The following AKR1E2 variants were observed in gnomAD, a reference collection of about 807,000 sequenced individuals.
AKR1E2 encodes 1,5-anhydro-D-fructose reductase.
A neutral mutation model predicts 41.9 loss-of-function variants in AKR1E2; 43 were observed. That is an observed-to-expected ratio of 1.03 (90% confidence interval 0.80 to 1.32). The LOEUF (loss-of-function observed/expected upper bound fraction) is 1.32, where lower values mean the gene tolerates loss of function less well. AKR1E2 is among the 40% of genes most tolerant of loss of function. AKR1E2 has a pLI of 0.00. For synonymous variants in AKR1E2, 121 were observed against 138.9 expected (o/e 0.87, Z 0.91); for missense variants, 423 against 396.5 (o/e 1.07, Z -0.57).
At chr10:4,848,654 T>G (rs1042583203), downstream of AKR1E2, among the ~76,000 whole-genome samples, 2 of 152,354 alleles carry the variant, frequency 1.3e-5, no homozygotes, top group Non-Finnish European at 1.5e-5. Flanking sequence ...CTCCTCCCTC[T>G]GCATCAGGTT....
chr10:4,830,454 C>T (rs1832882700), intron 1 of AKR1E2, among the ~76,000 whole-genome samples: 1 of 151,732 alleles, frequency 6.6e-6, no homozygotes, highest in African/African-American at 2.4e-5. Context: ...TAAAAATAAC[C>T]TATAGTTTTT....
chr10:4,860,093 A>C, the AKR1E2 span, among the ~76,000 whole-genome samples: 14 of 152,226 alleles, frequency 9.2e-5, no homozygotes, highest in African/African-American at 3.1e-4. Flanking sequence ...TACTGGGGCA[A>C]AAACCTCAGA....
Position 4,839,731 on chromosome 10 carries a change from T to G in AKR1E2, c.585T>G (p.Ile195Met). 6.2e-7 allele frequency: 1 copy of G among 1,613,520 alleles called. No individual in the cohort carries two copies. ...GLRFKPLTNQ[I>M]ECHPYLTQKN... The stretch of plus-strand genomic sequence containing the variant: ...TGTAAGCTATGATTCTGTTATAGAT[T>G]GAGTGCCACCCATATCTTACTCAGA... The change falls in exon 6 of 10, where the codon ATT becomes ATG. Residue 195 changes from isoleucine (I) to methionine (M), a missense_variant and splice_region_variant. Physicochemically the swap from Ile to Met is conservative, Grantham distance 10 (BLOSUM62 1). Coordinates refer to ENST00000298375, the MANE Select transcript of AKR1E2 (RefSeq NM_001040177.3).
chr10:4,839,611 G>A (rs908872492), intron 5 of AKR1E2, 118 bp from the exon 6 acceptor site: 6 of 855,186 alleles, frequency 7.0e-6, no homozygotes, highest in Non-Finnish European at 1.2e-5. Context: ...ACTTAGGCCT[G>A]GAGCTGGGCC....
intron 2 of AKR1E2, among the ~76,000 whole-genome samples, chr10:4,832,969 AGTCT>A (rs1833099228): frequency 6.6e-6 from 1 of 152,238 alleles, no homozygotes; most frequent in South Asian, 2.1e-4. Context: ...CTTAATACGG[AGTCT>A]GTGTAAGTGA....
At chr10:4,849,156 G>A (rs1038776743), downstream of AKR1E2, among the ~76,000 whole-genome samples, 3 of 152,092 alleles carry the variant, frequency 2.0e-5, no homozygotes, top group Non-Finnish European at 2.9e-5. Flanking sequence ...TTGAGGGTGG[G>A]GTGTCATGGT....
Position 4,837,418 on chromosome 10 carries a change from T to G in AKR1E2, c.460-41T>G, listed in dbSNP as rs755776726. The G allele has an allele frequency of 8.1e-6, 13 of 1,606,706 alleles. No individual in the cohort carries two copies. In the African/African-American group the frequency reaches 9.4e-5, roughly 12 times the overall value. ...TGAGGGACGTAGATTGTCAGTGCAG[T>G]AGACAGAAGCTTCACACCCAGCAGA... On this transcript the variant is annotated intron_variant, in intron 4 of 9. Transcript: ENST00000298375.
chr10:4,844,774 C>T (rs1034258745), intron 8 of AKR1E2, among the ~76,000 whole-genome samples: 1 of 152,212 alleles, frequency 6.6e-6, no homozygotes. Flanking sequence ...TACAGAGTGC[C>T]GATTGGTGTA....
the AKR1E2 span, among the ~76,000 whole-genome samples, chr10:4,854,085 GTTT>G: frequency 7.7e-6 from 1 of 129,308 alleles, no homozygotes; most frequent in Non-Finnish European, 1.6e-5. Flanking sequence ...CTCCTTTACT[GTTT>G]TTTTTTTTTT....
chr10:4,830,866 G>A (rs1281840933), intron 2 of AKR1E2, 24 bp downstream of exon 2: 2 of 1,613,376 alleles, frequency 1.2e-6, no homozygotes, highest in East Asian at 4.5e-5. Context: ...ATGCAAGGCT[G>A]GCAGAGCTTG....
the AKR1E2 span, among the ~76,000 whole-genome samples, chr10:4,856,413 C>G: frequency 2.0e-5 from 3 of 152,132 alleles, no homozygotes; most frequent in Admixed American, 1.3e-4. Context: ...ATGACCTGCT[C>G]TTTAACAAAA....
At chr10:4,826,575 G>T (rs574204859) in intron 1 of AKR1E2, among the ~76,000 whole-genome samples, 2 of 152,318 alleles carry the variant, frequency 1.3e-5, no homozygotes, top group Non-Finnish European at 1.5e-5. Context: ...GCTGCCCGCC[G>T]AGGCGCTCTC....
the AKR1E2 span, among the ~76,000 whole-genome samples, chr10:4,864,188 T>G: frequency 6.6e-6 from 1 of 152,044 alleles, no homozygotes; most frequent in Non-Finnish European, 1.5e-5. Context: ...ATATCCCTGA[T>G]GAAATTGACG....
downstream of AKR1E2, among the ~76,000 whole-genome samples, chr10:4,848,330 T>C (rs1834460046): frequency 6.6e-6 from 1 of 152,246 alleles, no homozygotes; most frequent in Non-Finnish European, 1.5e-5. Context: ...ATTCAGCCTG[T>C]TTAGATTCAT....
the AKR1E2 span, among the ~76,000 whole-genome samples, chr10:4,858,164 A>T: frequency 3.9e-5 from 6 of 152,214 alleles, 1 homozygote; most frequent in South Asian, 1.2e-3. Context: ...AGTCAAAATG[A>T]GTCATACTTA....
upstream of AKR1E2, among the ~76,000 whole-genome samples, chr10:4,825,927 GT>G (rs369642856): frequency 8.0e-3 from 1,215 of 152,148 alleles, 17 homozygotes; most frequent in African/African-American, 0.028. Context: ...CACACCTAAG[GT>G]GGGGGCGTGA....
chr10:4,826,115 T>C (rs1193716021), upstream of AKR1E2: 3 of 406,890 alleles, frequency 7.4e-6, no homozygotes, highest in South Asian at 1.4e-4. Context: ...CCGTCCTTAA[T>C]ACAACCAGCC....
At chr10:4,827,736 T>C (rs1832659338) in intron 1 of AKR1E2, among the ~76,000 whole-genome samples, 3 of 152,230 alleles carry the variant, frequency 2.0e-5, no homozygotes, top group African/African-American at 7.2e-5. Context: ...CTTACCTGCT[T>C]ACCAACTCTT....
At chr10:4,849,436 G>T (rs547758668), downstream of AKR1E2, among the ~76,000 whole-genome samples, 3 of 152,370 alleles carry the variant, frequency 2.0e-5, no homozygotes, top group Admixed American at 1.3e-4. Flanking sequence ...ACAGTCATCT[G>T]CATGTAGCAC....
Sources: allele counts gnomAD v4.1 joint callset (sites outside exome capture counted in the v4.1 genomes callset), GRCh38; gene constraint gnomAD v4.1.1; transcripts MANE v1.5; gene names NCBI Gene and HGNC (gene_info 2026-07-23, HGNC 2026-07-21).